Variants in RHBDD2 observed in about 807,000 individuals in gnomAD.
The protein encoded by RHBDD2 is rhomboid domain containing 2, also known as rhomboid domain-containing protein 2.
A neutral mutation model predicts 21.7 loss-of-function variants in RHBDD2; 13 were observed. The observed-to-expected ratio is 0.60, with a 90% CI of 0.39 to 0.95. The LOEUF (loss-of-function observed/expected upper bound fraction) is 0.95. Among genes scored for constraint, RHBDD2 ranks in the 40% least tolerant of loss-of-function variants. The pLI is 0.00. For missense variants in RHBDD2, 473 were observed against 478.9 expected (o/e 0.99, Z 0.11); for synonymous variants, 225 against 220.0 (o/e 1.02, Z -0.20).
Position 75,881,577 on chromosome 7 carries a change from C to T in RHBDD2, c.179-252C>T, listed in dbSNP as rs117915813. The T allele has an allele frequency of 2.9e-3, 3,885 of 1,338,902 alleles. 119 individuals are homozygous for T. The Admixed American group carries it at 0.062, about 21-fold the overall frequency. The allele number at this position is 1,338,902 out of a possible 1,614,324, so 82.9% of individuals were successfully genotyped here. ...ACCGAAAAGTATTATTTTTTTCCCT[C>T]TGGAAGTCAGTTACCGCTAAGAGTT... is the stretch of plus-strand genomic sequence containing the variant. On this transcript the variant is annotated intron_variant, in intron 1 of 3. Transcript: ENST00000006777.
At chr7:75,882,469 A>G (rs1306849190) in intron 2 of RHBDD2, among the ~76,000 whole-genome samples, 2 of 151,932 alleles carry the variant, frequency 1.3e-5, no homozygotes, top group African/African-American at 4.8e-5. Flanking sequence ...ACAGGTGTGC[A>G]CCACTACACC....
chr7:75,884,229 T>C (rs1176023049), intron 3 of RHBDD2, among the ~76,000 whole-genome samples: 2 of 152,132 alleles, frequency 1.3e-5, no homozygotes, highest in African/African-American at 4.8e-5. Flanking sequence ...TTTTATTCTT[T>C]TTTTTATTTG....
At chr7:75,885,120 A>AG (rs1805583555) in intron 3 of RHBDD2, among the ~76,000 whole-genome samples, 2 of 89,010 alleles carry the variant, frequency 2.2e-5, no homozygotes, top group South Asian at 8.2e-4. Context: ...TCTCCCAAGA[A>AG]AAAAAAAAAA....
Position 75,882,087 on chromosome 7 carries a change from C to T in RHBDD2, c.437C>T (p.Thr146Ile), listed in dbSNP as rs781939054. The T allele has an allele frequency of 6.2e-7, 1 of 1,614,204 alleles. No individual in the cohort carries two copies. The highest frequency in any genetic ancestry group is 8.5e-7 in the Non-Finnish European group (1 of 1,180,038). ...GTGGCCTTTGCCATGCTGGGAGTCA[C>T]CACCGTCCGTTCTCGGATGAGGCGG... Reference protein sequence around the residue: ...TPVAFAMLGVTTVRSRMRRAL... With the variant: ...TPVAFAMLGVITVRSRMRRAL... The change falls in exon 2 of 4, where the codon ACC becomes ATC. Residue 146 changes from threonine to isoleucine, a missense_variant. By Grantham distance (89) the Thr-to-Ile change is moderately conservative. Coordinates refer to ENST00000006777, the MANE Select transcript of RHBDD2 (RefSeq NM_001040456.3).
chr7:75,882,445 G>A (rs1805390333), intron 2 of RHBDD2, among the ~76,000 whole-genome samples: 1 of 152,076 alleles, frequency 6.6e-6, no homozygotes, highest in African/African-American at 2.4e-5. Flanking sequence ...TCAGCCCCCT[G>A]AGTAGCTGGG....
Position 75,888,193 on chromosome 7 carries a change from C to T in RHBDD2, c.939C>T (p.Asn313=). The T allele has an allele frequency of 6.2e-7, 1 of 1,613,900 alleles. No homozygotes were observed. Among genetic ancestry groups the T allele is most frequent in the Non-Finnish European group, 8.5e-7 (1 of 1,180,030 alleles). The change falls in exon 4 of 4, where the codon AAC becomes AAT. Residue 313 remains asparagine, a synonymous_variant. Transcript: ENST00000006777. ...ATGTGCAGAACCACTTTGGTCCAAA[C>T]CCCACCTCCTCCAGTGTCTACCCAG... The part of the protein sequence containing the change: ...LCYVQNHFGP[N]PTSSSVYPAS...
chr7:75,882,021 C>G lies in RHBDD2; in HGVS notation c.371C>G (p.Ser124Ter). Reference protein sequence around the residue: ...FLSFEAVSSLSKLGEVEDARG... With the variant: ...FLSFEAVSSL ...TCATTCGAGGCTGTGTCATCACTGT[C>G]AAAGCTGGGGGAAGTGGAGGATGCC... Residue 124 changes from serine to a stop codon, truncating the protein, a stop_gained, in exon 2 of 4, where the codon TCA becomes TGA. Transcript: ENST00000006777. LOFTEE classifies it high-confidence loss of function. 1 of 1,614,240 alleles carries G rather than the reference C, an allele frequency of 6.2e-7. No homozygotes were observed. The highest frequency in any genetic ancestry group is 8.5e-7 in the Non-Finnish European group (1 of 1,180,034).
Position 75,888,436 on chromosome 7 carries a change from T to G in RHBDD2, c.*87T>G. ...ACAAAAGTTACTTATTGAACACCTCTATGTGCCAGGCTCTGTGTTGGGTAC... is the reference window on the plus strand; with the variant it reads ...ACAAAAGTTACTTATTGAACACCTCGATGTGCCAGGCTCTGTGTTGGGTAC... On this transcript the variant is annotated 3_prime_UTR_variant, in exon 4 of 4. Transcript: ENST00000006777. The G allele has an allele frequency of 3.9e-6, 4 of 1,035,640 alleles. No homozygotes were observed. The highest frequency in any genetic ancestry group is 5.8e-6 in the Non-Finnish European group (4 of 689,698). The allele number at this position is 1,035,640 out of a possible 1,614,324, so 64.2% of individuals were successfully genotyped here.
At position 75,881,791 on chromosome 7, in the gene RHBDD2, A is replaced by T. The variant is rs1554542554; in HGVS notation, c.179-38A>T. 1.9e-6 allele frequency: 3 copies of T among 1,551,438 alleles called. No homozygotes were observed. In the South Asian group the frequency reaches 3.7e-5, roughly 19 times the overall value. On this transcript the variant is annotated intron_variant, in intron 1 of 3. Coordinates refer to ENST00000006777, the MANE Select transcript of RHBDD2 (RefSeq NM_001040456.3). The stretch of plus-strand genomic sequence containing the variant: ...ATAACCTGGCTTCCCTCCTGGGAGC[A>T]ACCCGCCGCCAGGCCTCTAACCCGA...
chr7:75,879,645 A>T (rs1461427433), intron 1 of RHBDD2, among the ~76,000 whole-genome samples: 2 of 152,172 alleles, frequency 1.3e-5, no homozygotes, highest in African/African-American at 4.8e-5. Context: ...CTTTAGGCCT[A>T]AGCCCCACTG....
At chr7:75,879,707 C>T (rs967754626) in intron 1 of RHBDD2, among the ~76,000 whole-genome samples, 22 of 152,212 alleles carry the variant, frequency 1.4e-4, no homozygotes, top group Non-Finnish European at 4.4e-5. Flanking sequence ...TATCCACAAA[C>T]CCCTATAAGC....
At position 75,888,258 on chromosome 7, in the gene RHBDD2, C is replaced by G; in HGVS notation, c.1004C>G (p.Pro335Arg). 6.2e-7 allele frequency: 1 copy of G among 1,613,770 alleles called. No homozygotes were observed. The highest frequency in any genetic ancestry group is 8.5e-7 in the Non-Finnish European group (1 of 1,180,046). The change falls in exon 4 of 4, where the codon CCT (proline) becomes CGT (arginine). Residue 335 changes from proline to arginine, a missense_variant. Pro to Arg is a moderately radical substitution (Grantham distance 103). Transcript: ENST00000006777. The part of the protein sequence containing the change: ...GTSLGIQPPT[P>R]VNSPGTVYSG... ...TCCCTGGGCATCCAGCCCCCCACGC[C>G]TGTGAACAGCCCTGGCACGGTGTAT...
intron 3 of RHBDD2, among the ~76,000 whole-genome samples, chr7:75,886,652 A>C (rs924801925): frequency 2.0e-5 from 3 of 151,968 alleles, no homozygotes; most frequent in African/African-American, 7.3e-5. Flanking sequence ...ATCTCTACTA[A>C]AAATACAAAA....
At chr7:75,887,013 A>G (rs1585063190) in intron 3 of RHBDD2, among the ~76,000 whole-genome samples, 4 of 152,008 alleles carry the variant, frequency 2.6e-5, no homozygotes, top group African/African-American at 4.8e-5. Context: ...GACACTCAGA[A>G]TATTGTGTTT....
Position 75,888,427 on chromosome 7 carries a change from G to A in RHBDD2, c.*78G>A, listed in dbSNP as rs782646517. The A allele has an allele frequency of 1.8e-6, 2 of 1,140,228 alleles. No homozygotes were observed. The highest frequency in any genetic ancestry group is 2.6e-6 in the Non-Finnish European group (2 of 780,340). The allele number at this position is 1,140,228 out of a possible 1,614,324, so 70.6% of individuals were successfully genotyped here. ...AGTCTCCTGACAAAAGTTACTTATTGAACACCTCTATGTGCCAGGCTCTGT... is the reference window on the plus strand; with the variant it reads ...AGTCTCCTGACAAAAGTTACTTATTAAACACCTCTATGTGCCAGGCTCTGT... On this transcript the variant is annotated 3_prime_UTR_variant, in exon 4 of 4. Transcript: ENST00000006777.
rs782738083 is a variant in RHBDD2, at chr7:75,883,779, TGAG to T, written c.674_676del (p.Arg225del). On this transcript the variant is annotated inframe_deletion, in exon 3 of 4. Coordinates refer to ENST00000006777, the MANE Select transcript of RHBDD2 (RefSeq NM_001040456.3). ...GATCAGACCTTCCCCTTCAGCCTGATGAGGAGGATATCCGTGTTCAAGTACGTC... is the reference window on the plus strand; with the variant it reads ...GATCAGACCTTCCCCTTCAGCCTGATGAGGATATCCGTGTTCAAGTACGTC... The T allele has an allele frequency of 9.3e-6, 15 of 1,613,564 alleles. No homozygotes were observed. Among genetic ancestry groups the T allele is most frequent in the African/African-American group, 5.3e-5 (4 of 74,836 alleles).
At chr7:75,880,157 G>A (rs1805236082) in intron 1 of RHBDD2, 1 of 151,958 alleles carries the variant, frequency 6.6e-6, no homozygotes, top group East Asian at 1.9e-4. Context: ...ATTCTGTGAT[G>A]TTTTGGAACT....
chr7:75,888,658 C>T lies in RHBDD2; in HGVS notation c.*309C>T, dbSNP rs530794257. 2 of 375,304 alleles carry T rather than the reference C, an allele frequency of 5.3e-6. No homozygotes were observed. Among genetic ancestry groups the T allele is most frequent in the Admixed American group, 4.2e-5 (1 of 23,944 alleles). 23.2% of individuals were successfully genotyped at this position (375,304 alleles called of 1,614,324 possible). On this transcript the variant is annotated 3_prime_UTR_variant, in exon 4 of 4. Coordinates refer to ENST00000006777, the MANE Select transcript of RHBDD2 (RefSeq NM_001040456.3). The stretch of plus-strand genomic sequence containing the variant: ...GAGGGCAGCAGTTGGCAGTAGCTGC[C>T]GATGTCTGTCCCCAGCTCCACCATT...
intron 2 of RHBDD2, 168 bp from the exon 3 acceptor site, chr7:75,883,526 AAAAC>A (rs1394337040): frequency 1.8e-6 from 1 of 567,330 alleles, no homozygotes; most frequent in Non-Finnish European, 3.1e-6. Flanking sequence ...CTCAAAAAAA[AAAAC>A]AAACCTTTGG....
Sources: gnomAD v4.1 joint callset for allele counts (sites outside exome capture counted in the v4.1 genomes callset) on GRCh38, gnomAD v4.1.1 for gene constraint, MANE v1.5 for transcripts, NCBI Gene and HGNC (gene_info 2026-07-23, HGNC 2026-07-21) for gene names.